PTBP2: variants seen among roughly 807,000 people sequenced by gnomAD.
The protein encoded by PTBP2 is polypyrimidine tract-binding protein 2.
Under a neutral mutation model 61.4 loss-of-function variants are expected in PTBP2, and 13 were observed. The ratio of observed to expected loss-of-function variants is 0.21; its 90% CI spans 0.14 to 0.34. The LOEUF (loss-of-function observed/expected upper bound fraction) is 0.34. PTBP2 is among the 10% of genes least tolerant of loss of function. The pLI, the probability that PTBP2 is intolerant of heterozygous loss-of-function variation, is 1.00. For missense variants in PTBP2, 405 were observed against 642.6 expected, an observed-to-expected ratio of 0.63 and a Z score of 4.00; for synonymous variants, 215 against 218.5, an observed-to-expected ratio of 0.98 and a Z score of 0.14.
chr1:96,733,012 T>G (rs568106292), intron 2 of PTBP2, among the ~76,000 whole-genome samples: 137 of 134,318 alleles, frequency 1.0e-3, no homozygotes, highest in African/African-American at 2.9e-3. Context: ...TACTCTGCTT[T>G]CTTTCTTTCT....
chr1:96,787,105 C>G (rs548629815), intron 8 of PTBP2, among the ~76,000 whole-genome samples: 2 of 152,276 alleles, frequency 1.3e-5, no homozygotes, highest in Admixed American at 6.5e-5. Flanking sequence ...ACTGCAACTT[C>G]CGCCTCCCGG....
intron 8 of PTBP2, among the ~76,000 whole-genome samples, chr1:96,802,186 G>GA (rs1661070015): frequency 7.9e-6 from 1 of 126,480 alleles, no homozygotes; most frequent in Non-Finnish European, 1.6e-5. Flanking sequence ...ACTCCAACCT[G>GA]AGAGACACAG....
At chr1:96,721,969 T>C in intron 1 of PTBP2, 97 bp downstream of exon 1, 1 of 1,448,164 alleles carries the variant, frequency 6.9e-7, no homozygotes, top group Non-Finnish European at 9.4e-7. Context: ...CCGCGGCCCC[T>C]CCCAGGGCTG....
At chr1:96,731,018 T>A (rs867779561) in intron 2 of PTBP2, among the ~76,000 whole-genome samples, 19 of 152,218 alleles carry the variant, frequency 1.2e-4, no homozygotes, top group Admixed American at 6.5e-4. Flanking sequence ...TGTTTTTTTT[T>A]AATTACATAA....
intron 5 of PTBP2, among the ~76,000 whole-genome samples, chr1:96,771,821 T>C (rs945699332): frequency 6.6e-6 from 1 of 152,204 alleles, no homozygotes; most frequent in Non-Finnish European, 1.5e-5. Context: ...CAAATCTGGC[T>C]GGTTAACATA....
chr1:96,821,243 A>G (rs1571061564), exon 14 of PTBP2: 1 of 152,046 alleles, frequency 6.6e-6, no homozygotes, highest in East Asian at 1.9e-4. Flanking sequence ...ACATTTTTCG[A>G]CCTCAAAGTC....
chr1:96,817,066 C>T (rs1662514537), downstream of PTBP2: 1 of 152,122 alleles, frequency 6.6e-6, no homozygotes, highest in African/African-American at 2.4e-5. Context: ...ATGGATTTAG[C>T]TTTATATTTT....
At chr1:96,823,578 T>A (rs564610289) in exon 14 of PTBP2, 50 of 152,288 alleles carry the variant, frequency 3.3e-4, no homozygotes, top group African/African-American at 1.1e-3. Context: ...TTTAGATAAT[T>A]TGAGTAGAAT....
At chr1:96,817,353 T>G (rs549754939), downstream of PTBP2, 22 of 148,502 alleles carry the variant, frequency 1.5e-4, no homozygotes, top group Non-Finnish European at 2.8e-4. Flanking sequence ...TACTAGGAAA[T>G]CTGATGGCAA....
intron 7 of PTBP2, among the ~76,000 whole-genome samples, chr1:96,780,368 C>T (rs1658520112): frequency 6.6e-6 from 1 of 151,982 alleles, no homozygotes; most frequent in African/African-American, 2.4e-5. Flanking sequence ...TCCCCTCTCC[C>T]TTTTCACTCA....
intron 2 of PTBP2, among the ~76,000 whole-genome samples, chr1:96,725,298 C>A (rs955018909): frequency 6.8e-6 from 1 of 147,402 alleles, no homozygotes; most frequent in East Asian, 2.1e-4. Flanking sequence ...ATTGGTTACA[C>A]CAGTTTTTTT....
chr1:96,735,401 T>C (rs1396721365), intron 2 of PTBP2, among the ~76,000 whole-genome samples: 2 of 152,220 alleles, frequency 1.3e-5, no homozygotes, highest in Non-Finnish European at 2.9e-5. Context: ...GTTTGACTTT[T>C]ATAGCATTGA....
At chr1:96,751,774 C>T (rs972634594) in intron 3 of PTBP2, among the ~76,000 whole-genome samples, 5 of 150,858 alleles carry the variant, frequency 3.3e-5, no homozygotes, top group African/African-American at 1.2e-4. Context: ...GTCCCTTCAT[C>T]TGCCCCTCTG....
intron 3 of PTBP2, among the ~76,000 whole-genome samples, chr1:96,765,318 A>G (rs529793429): frequency 6.6e-6 from 1 of 152,346 alleles, no homozygotes; most frequent in East Asian, 1.9e-4. Flanking sequence ...ACTGATTTTC[A>G]TTGGACAGAA....
intron 2 of PTBP2, among the ~76,000 whole-genome samples, chr1:96,725,404 A>C (rs529691016): frequency 1.3e-5 from 2 of 148,494 alleles, no homozygotes; most frequent in East Asian, 4.1e-4. Context: ...GGTTCACTCC[A>C]TTCTTCTGCC....
chr1:96,748,725 A>G (rs1421952430), intron 2 of PTBP2, among the ~76,000 whole-genome samples: 1 of 152,168 alleles, frequency 6.6e-6, no homozygotes, highest in African/African-American at 2.4e-5. Flanking sequence ...ATTTGTTTCA[A>G]CAGTCATTAA....
intron 3 of PTBP2, among the ~76,000 whole-genome samples, chr1:96,762,039 A>C (rs1335371824): frequency 2.7e-5 from 4 of 150,870 alleles, no homozygotes; most frequent in African/African-American, 9.8e-5. Context: ...CATGTTTCAG[A>C]GAGCACAGGG....
chr1:96,762,980 G>C (rs1207603529), intron 3 of PTBP2, among the ~76,000 whole-genome samples: 4 of 151,372 alleles, frequency 2.6e-5, no homozygotes, highest in Admixed American at 2.6e-4. Flanking sequence ...CTCAGACGAT[G>C]GGCGGCCGGG....
At chr1:96,749,138 G>C (rs1654212104) in intron 2 of PTBP2, among the ~76,000 whole-genome samples, 1 of 151,944 alleles carries the variant, frequency 6.6e-6, no homozygotes, top group African/African-American at 2.4e-5. Flanking sequence ...CATGCAAAAA[G>C]ATGCATTGCA....
Sources: allele counts gnomAD v4.1 joint callset (sites outside exome capture counted in the v4.1 genomes callset), GRCh38; gene constraint gnomAD v4.1.1; transcripts MANE v1.5; gene names NCBI Gene and HGNC (gene_info 2026-07-23, HGNC 2026-07-21).